TBC1D5: variants seen among roughly 807,000 people sequenced by gnomAD.
TBC1D5 encodes the protein TBC1 domain family member 5.
TBC1D5 carries 75 observed loss-of-function variants against 100.3 expected under a neutral mutation model. The ratio of observed to expected loss-of-function variants is 0.75; its 90% CI spans 0.62 to 0.91. TBC1D5 has a LOEUF of 0.91. Ranked by LOEUF, TBC1D5 falls within the 40% of genes least tolerant of loss-of-function variation. TBC1D5 has a pLI of 0.00. For synonymous variants in TBC1D5, 323 were observed against 325.6 expected, an observed-to-expected ratio of 0.99 and a Z score of 0.09; for missense variants, 910 against 942.4, an observed-to-expected ratio of 0.97 and a Z score of 0.45.
At chr3:17,188,588 C>A (rs924111636) in intron 18 of TBC1D5, among the ~76,000 whole-genome samples, 1 of 152,172 alleles carries the variant, frequency 6.6e-6, no homozygotes, top group Non-Finnish European at 1.5e-5. Flanking sequence ...CATTTCTAAA[C>A]CCTTCAACTA....
intron 3 of TBC1D5, among the ~76,000 whole-genome samples, chr3:17,458,742 T>C (rs140555412): frequency 2.6e-5 from 4 of 152,208 alleles, no homozygotes; most frequent in Non-Finnish European, 5.9e-5. Flanking sequence ...TTCATTGTTT[T>C]ACATTTGGGA....
intron 1 of TBC1D5, among the ~76,000 whole-genome samples, chr3:17,630,085 C>T (rs1414238298): frequency 1.3e-5 from 2 of 152,102 alleles, no homozygotes; most frequent in Non-Finnish European, 2.9e-5. Flanking sequence ...GTTTTTGACA[C>T]GAAATCAGTT....
intron 16 of TBC1D5, among the ~76,000 whole-genome samples, chr3:17,242,940 G>A (rs1357818540): frequency 6.6e-6 from 1 of 152,132 alleles, no homozygotes; most frequent in Non-Finnish European, 1.5e-5. Context: ...TCATCTGATA[G>A]TGTGAAAGGT....
intron 1 of TBC1D5, among the ~76,000 whole-genome samples, chr3:17,709,011 TCTTCTTTGC>T (rs993738876): frequency 5.9e-5 from 9 of 152,214 alleles, no homozygotes; most frequent in Non-Finnish European, 1.3e-4. Context: ...TATATTTCCT[TCTTCTTTGC>T]CTTTGTTCTG....
At chr3:17,299,330 GTTTT>G (rs201835569) in intron 14 of TBC1D5, among the ~76,000 whole-genome samples, 2 of 152,036 alleles carry the variant, frequency 1.3e-5, no homozygotes, top group East Asian at 3.9e-4. Context: ...AACTTAGGAG[GTTTT>G]TTTATTTTTG....
At chr3:17,695,312 A>C (rs1325046217) in intron 1 of TBC1D5, among the ~76,000 whole-genome samples, 1 of 152,198 alleles carries the variant, frequency 6.6e-6, no homozygotes, top group East Asian at 1.9e-4. Context: ...AAATTGGATA[A>C]AGAGTCAAGA....
chr3:17,234,155 A>G (rs2075672979), intron 17 of TBC1D5, among the ~76,000 whole-genome samples: 1 of 152,154 alleles, frequency 6.6e-6, no homozygotes. Flanking sequence ...TATATCAGAC[A>G]AAATTTATTT....
intron 2 of TBC1D5, among the ~76,000 whole-genome samples, chr3:17,616,958 TA>T (rs2062218759): frequency 6.6e-6 from 1 of 152,252 alleles, no homozygotes; most frequent in Non-Finnish European, 1.5e-5. Context: ...TTTTGCCCGT[TA>T]ATTGATGCAG....
chr3:17,320,870 AAT>A (rs1291754436), intron 13 of TBC1D5, among the ~76,000 whole-genome samples: 1 of 152,142 alleles, frequency 6.6e-6, no homozygotes, highest in Non-Finnish European at 1.5e-5. Flanking sequence ...TTTACCTGTG[AAT>A]CTGTCTAATT....
chr3:17,735,709 T>C (rs1438687028), intron 1 of TBC1D5, among the ~76,000 whole-genome samples: 3 of 152,184 alleles, frequency 2.0e-5, no homozygotes, highest in Non-Finnish European at 4.4e-5. Flanking sequence ...GGCGAGTCTT[T>C]AGCCCGATCA....
chr3:17,361,631 T>C (rs1040309580), intron 13 of TBC1D5, among the ~76,000 whole-genome samples: 1 of 151,860 alleles, frequency 6.6e-6, no homozygotes, highest in African/African-American at 2.4e-5. Context: ...AATTAAGCAA[T>C]ACAAATAACC....
chr3:17,673,464 C>T (rs1269717573), intron 1 of TBC1D5, among the ~76,000 whole-genome samples: 1 of 149,614 alleles, frequency 6.7e-6, no homozygotes, highest in Non-Finnish European at 1.5e-5. Context: ...GCATGTGCCA[C>T]CATGCCCAGA....
At position 17,214,267 on chromosome 3, in the gene TBC1D5, G is replaced by A. The variant is rs752558000; in HGVS notation, c.1692C>T (p.Ser564=). 13 of 1,613,288 alleles carry A rather than the reference G, an allele frequency of 8.1e-6. No homozygotes were observed. In the South Asian group the frequency reaches 1.1e-4, roughly 14 times the overall value. The change falls in exon 18 of 22, where the codon TCC becomes TCT. Residue 564 remains serine, a synonymous_variant. Transcript: ENST00000253692. ...GAGAACGTGAGATGTTGCTAAAAAA[G>A]GAATCTTTTTTAGTAGCAGATGAAG...
chr3:17,616,389 T>A (rs1196770630), intron 2 of TBC1D5, among the ~76,000 whole-genome samples: 3 of 152,042 alleles, frequency 2.0e-5, no homozygotes, highest in African/African-American at 4.8e-5. Flanking sequence ...AGACTTCTAT[T>A]GATGTCTATT....
chr3:17,282,955 T>G (rs572834646), intron 15 of TBC1D5, among the ~76,000 whole-genome samples: 47 of 152,356 alleles, frequency 3.1e-4, no homozygotes, highest in South Asian at 1.2e-3. Context: ...TAGTCATTCT[T>G]TGGGTCTCTG....
In TBC1D5 at chr3:17,413,838, C is replaced by CA. The variant is rs1202917293; in HGVS notation, c.168-7313dup. Among the ~76,000 whole-genome samples the CA allele has an allele frequency of 3.3e-5, 5 of 152,204 alleles. No homozygotes were observed. The East Asian group carries it at 9.7e-4, about 29-fold the overall frequency. Reference sequence around the variant, plus strand: ...TGTTTGTGGGCTAACTTAAGAAATCCAAATGACTACAATAATAGCAAAGAG... The same window carrying CA: ...TGTTTGTGGGCTAACTTAAGAAATCCAAAATGACTACAATAATAGCAAAGAG... On this transcript the variant is annotated intron_variant, in intron 4 of 21. Coordinates refer to ENST00000253692, the Ensembl canonical transcript of TBC1D5.
intron 9 of TBC1D5, among the ~76,000 whole-genome samples, chr3:17,379,424 C>T (rs1157083085): frequency 1.3e-5 from 2 of 151,920 alleles, no homozygotes; most frequent in African/African-American, 4.8e-5. Flanking sequence ...TGGATCTTTC[C>T]AACTTTAAAT....
chr3:17,419,835 C>A (rs753078197), intron 4 of TBC1D5, among the ~76,000 whole-genome samples: 4 of 151,962 alleles, frequency 2.6e-5, no homozygotes, highest in African/African-American at 4.8e-5. Flanking sequence ...GCCACCATGC[C>A]TGACTAATTT....
intron 16 of TBC1D5, among the ~76,000 whole-genome samples, chr3:17,250,600 C>A (rs1000079630): frequency 4.6e-5 from 7 of 152,342 alleles, no homozygotes; most frequent in African/African-American, 1.7e-4. Context: ...TTTTCCACTT[C>A]AGAAGCTTTG....
Sources: allele counts gnomAD v4.1 joint callset (sites outside exome capture counted in the v4.1 genomes callset), GRCh38; gene constraint gnomAD v4.1.1; transcripts MANE v1.5; gene names NCBI Gene and HGNC (gene_info 2026-07-23, HGNC 2026-07-21).